The following KDM4B variants were observed in gnomAD, a reference collection of about 807,000 sequenced individuals.
KDM4B encodes lysine demethylase 4B.
KDM4B carries 32 observed loss-of-function variants against 125.2 expected under a neutral mutation model. The observed-to-expected ratio is 0.26, with a 90% CI of 0.19 to 0.34. The LOEUF is 0.34. KDM4B is among the 10% of genes least tolerant of loss of function. KDM4B has a pLI of 1.00. For missense variants in KDM4B, 1,190 were observed against 1,577.7 expected (o/e 0.75, Z 4.16); for synonymous variants, 721 against 677.9 (o/e 1.06, Z -0.99).
chr19:5,125,780 C>T (rs1476250956), intron 11 of KDM4B, among the ~76,000 whole-genome samples: 3 of 150,632 alleles, frequency 2.0e-5, no homozygotes, highest in African/African-American at 4.9e-5. Flanking sequence ...GCCCACCCCC[C>T]GCCCCCCGCC....
In KDM4B at chr19:5,036,623, T is replaced by A. The variant is rs144713783; in HGVS notation, c.142-3213T>A. On this transcript the variant is annotated intron_variant, in intron 3 of 22. Coordinates refer to ENST00000159111, the MANE Select transcript of KDM4B (RefSeq NM_015015.3). The stretch of plus-strand genomic sequence containing the variant: ...CGGCATCTGCCTCTCACTGTTGGCA[T>A]GTGGCCGGTCGCCTTCCTGGCCTCA... Among the ~76,000 whole-genome samples the A allele has an allele frequency of 3.3e-5, 5 of 152,354 alleles. No individual in the cohort carries two copies. The East Asian group carries it at 9.6e-4, about 29-fold the overall frequency.
intron 9 of KDM4B, among the ~76,000 whole-genome samples, chr19:5,097,975 A>G (rs1032986480): frequency 2.0e-5 from 3 of 151,956 alleles, no homozygotes; most frequent in Non-Finnish European, 1.5e-5. Flanking sequence ...GTCAGTCGGG[A>G]GCTGTCAAGC....
intron 9 of KDM4B, among the ~76,000 whole-genome samples, chr19:5,101,171 G>A (rs1293225478): frequency 2.0e-5 from 3 of 148,704 alleles, no homozygotes; most frequent in South Asian, 2.2e-4. Flanking sequence ...GCAGTGAACC[G>A]AGGTTGTGCC....
At chr19:5,135,285 G>A (rs998111920) in intron 14 of KDM4B, 54 bp from the exon 15 acceptor site, 12 of 1,319,350 alleles carry the variant, frequency 9.1e-6, no homozygotes, top group Middle Eastern at 1.9e-4. Flanking sequence ...CGCGCCGCCC[G>A]CCCGCCTGCC....
chr19:5,130,789 G>T (rs1303167369), intron 11 of KDM4B, among the ~76,000 whole-genome samples: 1 of 152,242 alleles, frequency 6.6e-6, no homozygotes, highest in Non-Finnish European at 1.5e-5. Flanking sequence ...ACCCCAGAAG[G>T]CACATAGAGC....
chr19:4,977,115 T>C (rs765682529), intron 1 of KDM4B, among the ~76,000 whole-genome samples: 3 of 152,212 alleles, frequency 2.0e-5, no homozygotes, highest in Non-Finnish European at 4.4e-5. Context: ...TTTCTTTTCT[T>C]TCTTTATCCA....
At chr19:4,980,769 G>A (rs561879988) in intron 1 of KDM4B, among the ~76,000 whole-genome samples, 5 of 152,158 alleles carry the variant, frequency 3.3e-5, no homozygotes, top group African/African-American at 1.2e-4. Context: ...TCCCCTGTGC[G>A]GGGGGTGTCC....
chr19:5,103,102 A>G (rs2613742), intron 9 of KDM4B, among the ~76,000 whole-genome samples: 35 of 152,180 alleles, frequency 2.3e-4, no homozygotes, highest in African/African-American at 8.2e-4. Flanking sequence ...CCCTTTTGGA[A>G]GGCACTGCTG....
At chr19:5,004,984 AC>A (rs916229134) in intron 1 of KDM4B, among the ~76,000 whole-genome samples, 2 of 151,980 alleles carry the variant, frequency 1.3e-5, no homozygotes, top group Non-Finnish European at 2.9e-5. Flanking sequence ...TCATTCTCCC[AC>A]CCCTGGAAGT....
At position 5,040,006 on chromosome 19, in the gene KDM4B, C is replaced by T. The variant is rs759202602; in HGVS notation, c.312C>T (p.Ser104=). ...TVGEYRRLAN[S]EKYCTPRHQD... is the part of the protein sequence containing the mutation. ...GCGAGTACCGCCGCCTGGCCAACAG[C>T]GAGAAGTACGCGGGGCGGGCAGGGC... The change falls in exon 4 of 23, where the codon AGC becomes AGT. Residue 104 remains serine, a synonymous_variant. Transcript: ENST00000159111. 9 of 1,609,986 alleles carry T rather than the reference C, an allele frequency of 5.6e-6. No individual in the cohort carries two copies. The highest frequency in any genetic ancestry group is 3.3e-5 in the South Asian group (3 of 90,972).
chr19:5,152,423 C>G lies in KDM4B; in HGVS notation c.*912C>G, dbSNP rs1192284245. On this transcript the variant is annotated 3_prime_UTR_variant, in exon 23 of 23. Transcript: ENST00000159111. ...GAGGCTTCCTTGCAGACAAAGCACC[C>G]CTGCACCTCCTATGGCTCAGGATGA... The G allele has an allele frequency of 2.0e-5, 3 of 152,360 alleles. No individual in the cohort carries two copies. The highest frequency in any genetic ancestry group is 6.5e-5 in the Admixed American group (1 of 15,294). 9.4% of individuals were successfully genotyped at this position (152,360 alleles called of 1,614,324 possible).
At chr19:5,055,597 A>T (rs1164191480) in intron 6 of KDM4B, among the ~76,000 whole-genome samples, 1 of 151,218 alleles carries the variant, frequency 6.6e-6, no homozygotes, top group Non-Finnish European at 1.5e-5. Context: ...GGCGAGTGTC[A>T]GGCGGTGGGC....
At chr19:5,042,416 C>G (rs944461091) in intron 5 of KDM4B, among the ~76,000 whole-genome samples, 2 of 151,830 alleles carry the variant, frequency 1.3e-5, no homozygotes, top group Admixed American at 1.3e-4. Flanking sequence ...AGGAGAATCG[C>G]TTGAACCCGG....
chr19:5,130,776 G>A (rs1174050714), intron 11 of KDM4B, among the ~76,000 whole-genome samples: 1 of 152,212 alleles, frequency 6.6e-6, no homozygotes, highest in Non-Finnish European at 1.5e-5. Context: ...CTCACCTCCC[G>A]TGACCCCAGA....
At position 5,144,063 on chromosome 19, in the gene KDM4B, G is replaced by A. The variant is rs1057125743; in HGVS notation, c.2647G>A (p.Ala883Thr). ...HCSTSFHVTC[A>T]HAAGVLMEPD... is the part of the protein sequence containing the mutation. ...CTCCACGTCCTTCCACGTGACCTGC[G>A]CCCACGCCGCAGGCGTGCTCATGGA... Residue 883 changes from alanine to threonine, a missense_variant, in exon 19 of 23, where the codon GCC becomes ACC. Ala to Thr is a moderately conservative substitution (Grantham distance 58). Around this residue, in one of 7 missense-constraint regions of KDM4B, gnomAD observed 298 missense variants for 439.7 expected, o/e 0.68. Transcript: ENST00000159111. 6.2e-7 allele frequency: 1 copy of A among 1,606,676 alleles called. No homozygotes were observed. The highest frequency in any genetic ancestry group is 8.5e-7 in the Non-Finnish European group (1 of 1,174,728).
At chr19:5,130,894 G>A (rs2039530380) in intron 11 of KDM4B, among the ~76,000 whole-genome samples, 182 bp from the exon 12 acceptor site, 1 of 152,374 alleles carries the variant, frequency 6.6e-6, no homozygotes, top group East Asian at 1.9e-4. Flanking sequence ...CTGGCCAGGT[G>A]CCCCTGCGGT....
chr19:5,136,540 C>T lies in KDM4B; in HGVS notation c.2309-722C>T, dbSNP rs574745279. ...TTGCTGGGCCTGGGTTTGAGATGTG[C>T]CCCCGGGGCAGATGGGCTCCCTGGG... On this transcript the variant is annotated intron_variant, in intron 15 of 22. Transcript: ENST00000159111. Among the ~76,000 whole-genome samples the T allele has an allele frequency of 9.9e-5, 15 of 152,238 alleles. No individual in the cohort carries two copies. The South Asian group carries it at 3.1e-3, about 32-fold the overall frequency.
At chr19:5,143,872 C>A in intron 18 of KDM4B, 95 bp from the exon 19 acceptor site, 4 of 1,013,050 alleles carry the variant, frequency 3.9e-6, no homozygotes, top group Non-Finnish European at 5.9e-6. Context: ...CGCGATGCCT[C>A]CCTTGAAGGC....
chr19:5,039,743 G>C, intron 3 of KDM4B, 93 bp from the exon 4 acceptor site: 4 of 1,384,268 alleles, frequency 2.9e-6, no homozygotes, highest in South Asian at 2.7e-5. Flanking sequence ...ATCTTGGGGG[G>C]TGCTGGTCTC....
Sources: gnomAD v4.1 joint callset for allele counts (sites outside exome capture counted in the v4.1 genomes callset) on GRCh38, gnomAD v4.1.1 for gene constraint, gnomAD v4.1.1 regional missense constraint, MANE v1.5 for transcripts, NCBI Gene and HGNC (gene_info 2026-07-23, HGNC 2026-07-21) for gene names.